Variants in ZNF717 observed in about 807,000 individuals in gnomAD.
ZNF717 encodes the protein krueppel-like factor X17.
A neutral mutation model predicts 13.8 loss-of-function variants in ZNF717; 9 were observed. The ratio of observed to expected loss-of-function variants is 0.65; its 90% confidence interval spans 0.39 to 1.14. ZNF717 has a LOEUF of 1.14. Among genes scored for constraint, ZNF717 ranks in the 50% most tolerant of loss-of-function variants. The probability of loss-of-function intolerance (pLI) is 0.01; values close to 1 mark genes in which losing one functional copy is unlikely to be tolerated. For missense variants in ZNF717, 1,040 were observed against 1,080.7 expected (o/e 0.96, Z 0.53); for synonymous variants, 327 against 364.1 (o/e 0.90, Z 1.16).
In ZNF717 at chr3:75,772,369, G is replaced by A. The variant is rs1157536175; in HGVS notation, c.57+10937C>T. ...GGTGTAACATAAACAGGGCTGAAAC[G>A]TGCCCCTTGCTTGCCAAATTGCAGG... On this transcript the variant is annotated intron_variant, in intron 2 of 4. Transcript: ENST00000652011. 5.6e-5 allele frequency among the ~76,000 whole-genome samples: 7 copies of A among 124,638 alleles called. No homozygotes were observed. The South Asian group carries it at 7.4e-4, about 13-fold the overall frequency. The allele number at this position is 124,638 out of a possible 152,430, so 81.8% of individuals were successfully genotyped here. A position where few individuals can be genotyped will look rare whatever the true frequency, so the allele number is the denominator to read the frequency against.
chr3:75,762,440 C>CAA (rs36024450), intron 2 of ZNF717, among the ~76,000 whole-genome samples: 7,116 of 116,470 alleles, frequency 0.061, 216 homozygotes, highest in African/African-American at 0.12. Flanking sequence ...GACTCCATCT[C>CAA]AAAAAAAAAA....
chr3:75,715,529 C>T (rs1283744165), intron 5 of ZNF717, among the ~76,000 whole-genome samples: 2 of 152,330 alleles, frequency 1.3e-5, no homozygotes, highest in Non-Finnish European at 2.9e-5. Flanking sequence ...ATATTAACTT[C>T]TAATTAAGTA....
At chr3:75,755,428 AGGGAGGAATTGT>A (rs1942387554) in intron 2 of ZNF717, among the ~76,000 whole-genome samples, 1 of 152,218 alleles carries the variant, frequency 6.6e-6, no homozygotes, top group Admixed American at 6.5e-5. Context: ...GAAGGATGGG[AGGGAGGAATTGT>A]GGTACAATAA....
intron 1 of ZNF717, among the ~76,000 whole-genome samples, 165 bp downstream of exon 1, chr3:75,785,219 G>A (rs1294752626): frequency 4.6e-5 from 7 of 152,186 alleles, no homozygotes; most frequent in Non-Finnish European, 7.3e-5. Context: ...AGCGTCATGC[G>A]GGTTGGTAAC....
In ZNF717 at chr3:75,737,741, A is replaced by G; in HGVS notation, c.1882T>C (p.Phe628Leu). The G allele has an allele frequency of 1.3e-6, 2 of 1,546,734 alleles. No homozygotes were observed. Among genetic ancestry groups the G allele is most frequent in the Non-Finnish European group, 1.7e-6 (2 of 1,143,336 alleles). The change falls in exon 5 of 5, where the codon TTT (phenylalanine) becomes CTT (leucine). Residue 628 changes from phenylalanine (F) to leucine (L), a missense_variant. Physicochemically the swap from Phe to Leu is conservative, Grantham distance 22 (BLOSUM62 0). Transcript: ENST00000652011. The stretch of plus-strand genomic sequence containing the variant: ...GTGCTGAGATTTGACTTCTGACGAA[A>G]GGTTTTTCCACATTCATTACATTCA... ...PYECNECGKT[F>L]RQKSNLSTHQ...
Position 75,696,509 on chromosome 3 carries a change from A to T in ZNF717, n.1085+14678T>A, listed in dbSNP as rs1937604907. Reference sequence around the variant, plus strand: ...GCAAACTGAATTAAACAACACACAAACAGGTAATTCATAATGACCAAGTGG... The same window carrying T: ...GCAAACTGAATTAAACAACACACAATCAGGTAATTCATAATGACCAAGTGG... On this transcript the variant is annotated intron_variant and non_coding_transcript_variant, in intron 6 of 6. Transcript: ENST00000648506. Among the ~76,000 whole-genome samples, 4 of 152,424 alleles carry T rather than the reference A, an allele frequency of 2.6e-5. No homozygotes were observed. In the South Asian group the frequency reaches 8.3e-4, roughly 32 times the overall value.
intron 2 of ZNF717, among the ~76,000 whole-genome samples, chr3:75,775,546 G>T (rs536521054): frequency 6.6e-6 from 1 of 152,266 alleles, no homozygotes; most frequent in African/African-American, 2.4e-5. Flanking sequence ...CCCAAGAATT[G>T]GACTGGTTAA....
At chr3:75,784,799 C>T (rs1357348988) in intron 1 of ZNF717, 4 of 152,282 alleles carry the variant, frequency 2.6e-5, no homozygotes, top group South Asian at 2.1e-4. Flanking sequence ...ACCTTTTATC[C>T]TCCTCTGAAG....
At chr3:75,784,439 T>C (rs181272390) in intron 1 of ZNF717, among the ~76,000 whole-genome samples, 1 of 152,312 alleles carries the variant, frequency 6.6e-6, no homozygotes, top group Admixed American at 6.5e-5. Context: ...ATACAATCGA[T>C]AGAACTTCAC....
chr3:75,783,785 G>A (rs1944980905), intron 1 of ZNF717, among the ~76,000 whole-genome samples: 1 of 152,176 alleles, frequency 6.6e-6, no homozygotes, highest in Non-Finnish European at 1.5e-5. Context: ...GTGTTCCCAT[G>A]ACAGTACATC....
At chr3:75,760,379 A>G (rs1942889500) in intron 2 of ZNF717, among the ~76,000 whole-genome samples, 1 of 152,264 alleles carries the variant, frequency 6.6e-6, no homozygotes, top group Non-Finnish European at 1.5e-5. Context: ...TTCTGAGTTA[A>G]GAATGCTTAA....
At chr3:75,724,012 A>G (rs1938224195) in intron 4 of ZNF717, among the ~76,000 whole-genome samples, 1 of 152,064 alleles carries the variant, frequency 6.6e-6, no homozygotes, top group African/African-American at 2.4e-5. Flanking sequence ...CAGTAGCAGA[A>G]TTAGTGAAAG....
intron 2 of ZNF717, among the ~76,000 whole-genome samples, chr3:75,750,406 T>TA (rs1941649992): frequency 1.3e-5 from 2 of 148,832 alleles, no homozygotes; most frequent in Non-Finnish European, 3.0e-5. Context: ...TCTGAATGTT[T>TA]GCCCTCACAC....
At chr3:75,782,104 T>A (rs1437514414) in intron 2 of ZNF717, among the ~76,000 whole-genome samples, 1 of 152,144 alleles carries the variant, frequency 6.6e-6, no homozygotes, top group Non-Finnish European at 1.5e-5. Flanking sequence ...TCTCTCTAAC[T>A]CGCTCGGATA....
chr3:75,696,600 C>CA (rs1232260693), intron 6 of ZNF717, among the ~76,000 whole-genome samples: 5 of 150,360 alleles, frequency 3.3e-5, no homozygotes, highest in Non-Finnish European at 7.4e-5. Flanking sequence ...ATCACATAAA[C>CA]AGAATGAAGG....
At chr3:75,760,834 A>G (rs1942942254) in intron 2 of ZNF717, among the ~76,000 whole-genome samples, 1 of 137,382 alleles carries the variant, frequency 7.3e-6, no homozygotes, top group Non-Finnish European at 1.6e-5. Context: ...AGACCAGAAA[A>G]AAGAAAGGAA....
At chr3:75,726,241 T>C (rs1938276206), downstream of ZNF717, among the ~76,000 whole-genome samples, 1 of 152,278 alleles carries the variant, frequency 6.6e-6, no homozygotes, top group Non-Finnish European at 1.5e-5. Context: ...CTGTGTGCCC[T>C]GAGAGGGAGG....
chr3:75,768,554 T>A (rs1439926880), intron 2 of ZNF717, among the ~76,000 whole-genome samples: 1 of 135,032 alleles, frequency 7.4e-6, no homozygotes, highest in African/African-American at 2.9e-5. Context: ...GGGGGGTAGA[T>A]GACAGACCAC....
chr3:75,755,386 A>AAATACTCAT (rs1269177202), intron 2 of ZNF717, among the ~76,000 whole-genome samples: 4 of 152,272 alleles, frequency 2.6e-5, no homozygotes, highest in African/African-American at 9.6e-5. Flanking sequence ...TACACAAGTG[A>AAATACTCAT]AATGAGTAAC....
Sources: gnomAD v4.1 joint callset for allele counts (sites outside exome capture counted in the v4.1 genomes callset) on GRCh38, gnomAD v4.1.1 for gene constraint, MANE v1.5 for transcripts, NCBI Gene and HGNC (gene_info 2026-07-23, HGNC 2026-07-21) for gene names.